The following CALCOCO2 variants were observed in gnomAD, a reference collection of about 807,000 sequenced individuals.
The protein encoded by CALCOCO2 is calcium-binding and coiled-coil domain-containing protein 2.
CALCOCO2 carries 42 observed loss-of-function variants against 62.5 expected under a neutral mutation model. The observed-to-expected ratio is 0.67, with a 90% CI of 0.53 to 0.87. CALCOCO2 has a LOEUF of 0.87. Among genes scored for constraint, CALCOCO2 ranks in the 40% least tolerant of loss-of-function variants. The pLI, the probability that CALCOCO2 is intolerant of heterozygous loss-of-function variation, is 0.00. For missense variants in CALCOCO2, 456 were observed against 515.0 expected (o/e 0.89, Z 1.11); for synonymous variants, 167 against 173.0 (o/e 0.97, Z 0.27).
chr17:48,856,361 C>T, intron 10 of CALCOCO2, 174 bp downstream of exon 10: 1 of 539,406 alleles, frequency 1.9e-6, no homozygotes, highest in Non-Finnish European at 3.4e-6. Context: ...TACCACAAAA[C>T]CCTGTCTTTA....
intron 1 of CALCOCO2, among the ~76,000 whole-genome samples, chr17:48,832,491 CTT>C (rs924365398): frequency 5.9e-5 from 9 of 152,294 alleles, no homozygotes; most frequent in South Asian, 4.1e-4. Flanking sequence ...TAAATGAACT[CTT>C]TCACTTCTTT....
intron 2 of CALCOCO2, among the ~76,000 whole-genome samples, chr17:48,846,944 G>A (rs1428500847): frequency 6.6e-6 from 1 of 152,052 alleles, no homozygotes; most frequent in Non-Finnish European, 1.5e-5. Flanking sequence ...GATAAGATTT[G>A]AGCAATCTTT....
At chr17:48,856,806 T>C (rs1011059984) in intron 10 of CALCOCO2, among the ~76,000 whole-genome samples, 3 of 151,710 alleles carry the variant, frequency 2.0e-5, no homozygotes, top group Non-Finnish European at 4.4e-5. Context: ...TTTTTGTTGT[T>C]GTTGTTTTTG....
At chr17:48,845,370 A>ACT (rs1170223044) in intron 2 of CALCOCO2, among the ~76,000 whole-genome samples, 1,731 of 50,828 alleles carry the variant, frequency 0.034, 82 homozygotes, top group Middle Eastern at 0.064. Context: ...TTAAATCCTC[A>ACT]CTGTGTGTGT....
intron 2 of CALCOCO2, chr17:48,845,974 TG>T: frequency 1.4e-6 from 1 of 696,364 alleles, no homozygotes; most frequent in Non-Finnish European, 2.4e-6. Context: ...AATGAAGAGT[TG>T]GCTGTAAAGT....
chr17:48,840,378 G>A (rs2039960684), intron 1 of CALCOCO2, among the ~76,000 whole-genome samples: 1 of 151,978 alleles, frequency 6.6e-6, no homozygotes, highest in South Asian at 2.1e-4. Flanking sequence ...AGATCCACCC[G>A]CCTCTGCCTT....
At chr17:48,832,155 G>A (rs2039822994) in intron 1 of CALCOCO2, among the ~76,000 whole-genome samples, 2 of 152,368 alleles carry the variant, frequency 1.3e-5, no homozygotes, top group South Asian at 4.1e-4. Flanking sequence ...CACTTTGGGA[G>A]GCCCAGGCGG....
chr17:48,837,105 C>T (rs1273993497), intron 1 of CALCOCO2, among the ~76,000 whole-genome samples: 5 of 152,114 alleles, frequency 3.3e-5, no homozygotes, highest in Non-Finnish European at 7.4e-5. Flanking sequence ...TCTTCATGAT[C>T]CGCAAAGGAC....
chr17:48,845,762 A>G (rs914419983), intron 2 of CALCOCO2, among the ~76,000 whole-genome samples: 4 of 151,718 alleles, frequency 2.6e-5, no homozygotes, highest in Non-Finnish European at 4.4e-5. Flanking sequence ...AAAGAAAGAA[A>G]AATTCTCACA....
chr17:48,851,923 G>C (rs529921326), intron 7 of CALCOCO2, among the ~76,000 whole-genome samples: 2 of 152,144 alleles, frequency 1.3e-5, no homozygotes, highest in Non-Finnish European at 2.9e-5. Context: ...CCTGAGGTCA[G>C]GAGTTCGAGA....
At chr17:48,839,917 C>T (rs1355518143) in intron 1 of CALCOCO2, among the ~76,000 whole-genome samples, 1 of 151,886 alleles carries the variant, frequency 6.6e-6, no homozygotes, top group Non-Finnish European at 1.5e-5. Flanking sequence ...TCAGGTGATC[C>T]ACCTGCCTCA....
chr17:48,852,128 ACT>A (rs1171486031), intron 7 of CALCOCO2, among the ~76,000 whole-genome samples: 1 of 147,624 alleles, frequency 6.8e-6, no homozygotes, highest in Non-Finnish European at 1.5e-5. Context: ...ACAGAGCAAG[ACT>A]CTGTCTCAAG....
At chr17:48,850,919 A>T (rs1598037442) in intron 5 of CALCOCO2, 170 bp from the exon 6 acceptor site, 2 of 44,104 alleles carry the variant, frequency 4.5e-5, no homozygotes, top group African/African-American at 4.2e-4. Flanking sequence ...CACTGTCTTA[A>T]AAAAAAAAAA....
chr17:48,858,046 A>ATAGAATAGAGAATAGAATAG lies in CALCOCO2; in HGVS notation c.1008+1859_1008+1860insTAGAATAGAGAATAGAATAG. 5.0e-5 allele frequency among the ~76,000 whole-genome samples: 2 copies of ATAGAATAGAGAATAGAATAG among 40,038 alleles called. 1 individual carries two copies. The highest frequency in any genetic ancestry group is 9.7e-5 in the Non-Finnish European group (2 of 20,528). The allele number at this position is 40,038 out of a possible 152,430, so 26.3% of individuals were successfully genotyped here. On this transcript the variant is annotated intron_variant, in intron 10 of 12. Coordinates refer to ENST00000258947, the MANE Select transcript of CALCOCO2 (RefSeq NM_005831.5). ...ATAGAATAGAATAGAATAGAATAGA[A>ATAGAATAGAGAATAGAATAG]AATAGAATAGAATAGAATAGAATAG...
chr17:48,856,919 C>T (rs2040224691), intron 10 of CALCOCO2, among the ~76,000 whole-genome samples: 1 of 151,952 alleles, frequency 6.6e-6, no homozygotes, highest in South Asian at 2.1e-4. Context: ...CTGCCACAGC[C>T]TCCCAAGTAG....
intron 6 of CALCOCO2, 67 bp downstream of exon 6, chr17:48,851,244 A>T: frequency 2.3e-6 from 2 of 881,608 alleles, no homozygotes; most frequent in Non-Finnish European, 3.8e-6. Context: ...AAGTACAGTC[A>T]GATTAGATTT....
chr17:48,837,434 C>T (rs1008528999), intron 1 of CALCOCO2, among the ~76,000 whole-genome samples: 2 of 152,074 alleles, frequency 1.3e-5, no homozygotes, highest in Non-Finnish European at 2.9e-5. Flanking sequence ...CACCTGAGGT[C>T]AGGAGTTCAA....
chr17:48,852,679 C>T (rs200930165), intron 8 of CALCOCO2, 51 bp downstream of exon 8: 82 of 1,551,612 alleles, frequency 5.3e-5, no homozygotes, highest in Non-Finnish European at 4.9e-5. Flanking sequence ...AGAAAATATA[C>T]GTTGTTCTTT....
chr17:48,836,803 C>G lies in CALCOCO2; in HGVS notation c.-10-4895C>G, dbSNP rs552401755. ...TGGAGATAGAGTTTTGCTCTTATTGCCCAAGCTGGAGTGCAGTGGTGCGAT... is the reference window on the plus strand; with the variant it reads ...TGGAGATAGAGTTTTGCTCTTATTGGCCAAGCTGGAGTGCAGTGGTGCGAT... On this transcript the variant is annotated intron_variant, in intron 1 of 12. Transcript: ENST00000258947. Among the ~76,000 whole-genome samples the G allele has an allele frequency of 9.2e-4, 134 of 146,132 alleles. 1 individual carries two copies. Among genetic ancestry groups the G allele is most frequent in the African/African-American group, 3.4e-3 (132 of 39,272 alleles).
Sources: gnomAD v4.1 joint callset for allele counts (sites outside exome capture counted in the v4.1 genomes callset) on GRCh38, gnomAD v4.1.1 for gene constraint, MANE v1.5 for transcripts, NCBI Gene and HGNC (gene_info 2026-07-23, HGNC 2026-07-21) for gene names.